CDH13: variants seen among roughly 807,000 people sequenced by gnomAD.
The protein encoded by CDH13 is cadherin-13.
CDH13 carries 24 observed loss-of-function variants against 63.8 expected under a neutral mutation model. That is an observed-to-expected ratio of 0.38 (90% CI 0.27 to 0.53). The LOEUF (loss-of-function observed/expected upper bound fraction) is 0.53, where lower values mean the gene tolerates loss of function less well. Ranked by LOEUF, CDH13 falls within the 20% of genes least tolerant of loss-of-function variation. The pLI is 0.85. For synonymous variants in CDH13, 503 were observed against 355.3 expected, an observed-to-expected ratio of 1.42 and a Z score of -4.67; for missense variants, 1,049 against 903.1, an observed-to-expected ratio of 1.16 and a Z score of -2.07.
At chr16:83,254,235 G>C (rs1222074250) in intron 5 of CDH13, among the ~76,000 whole-genome samples, 1 of 152,218 alleles carries the variant, frequency 6.6e-6, no homozygotes, top group East Asian at 1.9e-4. Context: ...CCACAGCGAA[G>C]TCACGGAGCT....
chr16:83,697,950 C>T (rs1905638850), intron 10 of CDH13, among the ~76,000 whole-genome samples: 1 of 152,186 alleles, frequency 6.6e-6, no homozygotes, highest in Non-Finnish European at 1.5e-5. Flanking sequence ...ACCCAGCCTA[C>T]AGTAGTTTTA....
At chr16:83,189,923 T>A (rs2038644292) in intron 4 of CDH13, among the ~76,000 whole-genome samples, 1 of 152,180 alleles carries the variant, frequency 6.6e-6, no homozygotes, top group East Asian at 1.9e-4. Flanking sequence ...GATGGTTTTA[T>A]AAGTGGGAGT....
At chr16:83,560,713 T>C (rs1367007081) in intron 7 of CDH13, among the ~76,000 whole-genome samples, 2 of 152,268 alleles carry the variant, frequency 1.3e-5, no homozygotes, top group East Asian at 1.9e-4. Context: ...CTTCTTTCTC[T>C]GTATTGACAT....
intron 2 of CDH13, chr16:82,954,106 C>T (rs1905694218): frequency 6.6e-6 from 1 of 152,064 alleles, no homozygotes; most frequent in African/African-American, 2.4e-5. Flanking sequence ...AAGGCAACAC[C>T]AGGATGCACT....
intron 6 of CDH13, among the ~76,000 whole-genome samples, chr16:83,455,502 T>C (rs186535905): frequency 6.6e-6 from 1 of 152,144 alleles, no homozygotes; most frequent in Non-Finnish European, 1.5e-5. Context: ...CTTCTGGATT[T>C]TCTCCTCTTC....
chr16:83,002,303 A>G lies in CDH13; in HGVS notation c.158-29707A>G, dbSNP rs144486511. On this transcript the variant is annotated intron_variant, in intron 2 of 13. Coordinates refer to ENST00000567109, the MANE Select transcript of CDH13 (RefSeq NM_001257.5). ...AACACTGCAGGAGGAGGAGAAGGCC[A>G]TATGAATACGGAGGCAACTCTTGGA... is the stretch of plus-strand genomic sequence containing the variant. Among the ~76,000 whole-genome samples the G allele has an allele frequency of 3.4e-3, 515 of 152,346 alleles. 3 individuals carry two copies. The highest frequency in any genetic ancestry group is 6.2e-3 in the Non-Finnish European group (419 of 68,026).
At chr16:83,159,732 G>C (rs2151708613) in intron 4 of CDH13, among the ~76,000 whole-genome samples, 1 of 152,130 alleles carries the variant, frequency 6.6e-6, no homozygotes, top group East Asian at 1.9e-4. Flanking sequence ...ATAGCCGCCT[G>C]TCAAGCATAT....
intron 5 of CDH13, among the ~76,000 whole-genome samples, chr16:83,341,156 C>G (rs1199935454): frequency 1.3e-5 from 2 of 152,188 alleles, no homozygotes; most frequent in Non-Finnish European, 2.9e-5. Context: ...TTTTTAGAAC[C>G]CAAACACAGC....
At chr16:83,762,408 A>G (rs1339826448) in intron 11 of CDH13, among the ~76,000 whole-genome samples, 1 of 152,210 alleles carries the variant, frequency 6.6e-6, no homozygotes, top group African/African-American at 2.4e-5. Context: ...CTGTTAAGGA[A>G]AAACCCAAGC....
At chr16:82,805,523 A>G (rs1011386856) in intron 1 of CDH13, among the ~76,000 whole-genome samples, 4 of 152,164 alleles carry the variant, frequency 2.6e-5, no homozygotes, top group Non-Finnish European at 4.4e-5. Context: ...TCGGGGGCCT[A>G]TATGGAACTG....
At chr16:83,649,415 G>C (rs56276031) in intron 8 of CDH13, among the ~76,000 whole-genome samples, 1 of 152,068 alleles carries the variant, frequency 6.6e-6, no homozygotes, top group Non-Finnish European at 1.5e-5. Flanking sequence ...GAGGAAATAC[G>C]GGCCCCTCTT....
chr16:82,962,955 A>G (rs879444816), intron 2 of CDH13, among the ~76,000 whole-genome samples: 1 of 152,220 alleles, frequency 6.6e-6, no homozygotes, highest in African/African-American at 2.4e-5. Flanking sequence ...ATTTAGTAAA[A>G]GGTGTAATTA....
intron 1 of CDH13, among the ~76,000 whole-genome samples, chr16:82,717,382 A>G (rs1270549862): frequency 4.8e-5 from 7 of 144,634 alleles, no homozygotes; most frequent in Non-Finnish European, 1.1e-4. Flanking sequence ...GTTGCAGTGG[A>G]TTGAGATCAC....
chr16:83,308,846 A>T (rs56978536), intron 5 of CDH13, among the ~76,000 whole-genome samples: 4,206 of 152,308 alleles, frequency 0.028, 177 homozygotes, highest in African/African-American at 0.093. Context: ...TTGAAACAGA[A>T]GTTTACTAAG....
At chr16:83,768,838 T>A (rs1914575946) in intron 11 of CDH13, among the ~76,000 whole-genome samples, 1 of 152,172 alleles carries the variant, frequency 6.6e-6, no homozygotes, top group African/African-American at 2.4e-5. Flanking sequence ...TTTAGCCGTC[T>A]TCTTTATTGC....
intron 7 of CDH13, among the ~76,000 whole-genome samples, chr16:83,498,208 A>T (rs1049355349): frequency 5.3e-5 from 8 of 152,070 alleles, no homozygotes; most frequent in Admixed American, 2.6e-4. Flanking sequence ...TGGGAACAGA[A>T]GATTTCCCAG....
At chr16:83,507,536 C>G (rs1401025480) in intron 7 of CDH13, among the ~76,000 whole-genome samples, 4 of 152,126 alleles carry the variant, frequency 2.6e-5, no homozygotes, top group Non-Finnish European at 5.9e-5. Flanking sequence ...GGTTGCTACT[C>G]TGGAAACAAA....
At chr16:82,650,816 G>A (rs1239244644) in intron 1 of CDH13, among the ~76,000 whole-genome samples, 6 of 152,302 alleles carry the variant, frequency 3.9e-5, no homozygotes, top group Admixed American at 1.3e-4. Context: ...AAATCAATCC[G>A]GTGAACCTGG....
chr16:82,756,555 T>C (rs1198419797), intron 1 of CDH13, among the ~76,000 whole-genome samples: 2 of 152,134 alleles, frequency 1.3e-5, no homozygotes, highest in East Asian at 1.9e-4. Flanking sequence ...TTGGGCAAAA[T>C]AGAGATTACG....
Sources: gnomAD v4.1 joint callset for allele counts (sites outside exome capture counted in the v4.1 genomes callset) on GRCh38, gnomAD v4.1.1 for gene constraint, MANE v1.5 for transcripts, NCBI Gene and HGNC (gene_info 2026-07-23, HGNC 2026-07-21) for gene names.